The following PDE7B variants were observed in gnomAD, a reference collection of about 807,000 sequenced individuals.
PDE7B encodes phosphodiesterase 7B, also known as 3',5'-cyclic-AMP phosphodiesterase 7B.
Under a neutral mutation model 56.2 loss-of-function variants are expected in PDE7B, and 29 were observed. The observed-to-expected ratio is 0.52, with a 90% CI of 0.38 to 0.70. The LOEUF is 0.70. Ranked by LOEUF, PDE7B falls within the 30% of genes least tolerant of loss-of-function variation. The pLI is 0.00. For synonymous variants in PDE7B, 197 were observed against 196.9 expected (o/e 1.00, Z 0.00); for missense variants, 490 against 565.0 (o/e 0.87, Z 1.35).
At chr6:136,140,998 C>A (rs547732169) in intron 3 of PDE7B, among the ~76,000 whole-genome samples, 4 of 152,136 alleles carry the variant, frequency 2.6e-5, no homozygotes, top group Non-Finnish European at 5.9e-5. Context: ...ACTTCCAACA[C>A]TATGTTGAAT....
intron 3 of PDE7B, among the ~76,000 whole-genome samples, chr6:136,127,131 T>C (rs899168023): frequency 6.6e-6 from 1 of 152,172 alleles, no homozygotes; most frequent in Non-Finnish European, 1.5e-5. Flanking sequence ...TTCACCCATA[T>C]GAATACCTGA....
chr6:136,055,950 G>A (rs1023168141), intron 2 of PDE7B, among the ~76,000 whole-genome samples: 16 of 152,168 alleles, frequency 1.1e-4, no homozygotes, highest in Non-Finnish European at 2.1e-4. Context: ...AAGGAGAAGA[G>A]GGGAAGACTA....
At chr6:135,980,183 A>C (rs1281916689) in intron 2 of PDE7B, among the ~76,000 whole-genome samples, 1 of 152,208 alleles carries the variant, frequency 6.6e-6, no homozygotes, top group Non-Finnish European at 1.5e-5. Flanking sequence ...AAAAACAAGC[A>C]ATGAGGAAAG....
chr6:136,016,674 G>A (rs1379443442), intron 2 of PDE7B, among the ~76,000 whole-genome samples: 1 of 152,004 alleles, frequency 6.6e-6, no homozygotes, highest in African/African-American at 2.4e-5. Context: ...GCTGCAGCAT[G>A]CCACACCTCT....
chr6:136,121,044 C>T (rs1024258759), intron 3 of PDE7B, among the ~76,000 whole-genome samples: 4 of 152,172 alleles, frequency 2.6e-5, no homozygotes, highest in Admixed American at 2.6e-4. Flanking sequence ...TGGGTAATAT[C>T]ATCTATAAGG....
At chr6:136,062,004 T>C (rs1417217674) in intron 2 of PDE7B, among the ~76,000 whole-genome samples, 1 of 152,136 alleles carries the variant, frequency 6.6e-6, no homozygotes, top group Non-Finnish European at 1.5e-5. Context: ...AAGACAGAAA[T>C]TGAAACAGTA....
intron 1 of PDE7B, among the ~76,000 whole-genome samples, chr6:135,876,746 C>T (rs545497844): frequency 1.5e-3 from 226 of 152,166 alleles, no homozygotes; most frequent in Non-Finnish European, 2.1e-3. Context: ...GTAATCCCAC[C>T]TACTCAGGAG....
intron 2 of PDE7B, among the ~76,000 whole-genome samples, chr6:136,056,750 T>G (rs1357987821): frequency 6.6e-6 from 1 of 152,058 alleles, no homozygotes; most frequent in Non-Finnish European, 1.5e-5. Context: ...CAGGCTGGTC[T>G]CAAACTCCAG....
At chr6:135,948,896 T>TAGAC (rs869032694) in intron 2 of PDE7B, among the ~76,000 whole-genome samples, 117 of 63,244 alleles carry the variant, frequency 1.8e-3, no homozygotes, top group East Asian at 7.2e-3. Context: ...GATAGATAGA[T>TAGAC]AGACAGACAG....
intron 1 of PDE7B, among the ~76,000 whole-genome samples, chr6:135,895,534 A>C (rs1775886262): frequency 6.6e-6 from 1 of 152,186 alleles, no homozygotes; most frequent in African/African-American, 2.4e-5. Flanking sequence ...CCACCAAAAA[A>C]GTCCTTTTTC....
chr6:136,184,693 G>C (rs1779117767), intron 11 of PDE7B, among the ~76,000 whole-genome samples: 1 of 152,180 alleles, frequency 6.6e-6, no homozygotes, highest in Non-Finnish European at 1.5e-5. Flanking sequence ...GGCTACAGTA[G>C]AGAACATGAC....
chr6:135,959,612 C>T lies in PDE7B; in HGVS notation c.82+12088C>T, dbSNP rs143458051. 5.1e-3 allele frequency among the ~76,000 whole-genome samples: 777 copies of T among 152,172 alleles called. 6 individuals carry two copies. Among genetic ancestry groups the T allele is most frequent in the African/African-American group, 0.018 (746 of 41,520 alleles). On this transcript the variant is annotated intron_variant, in intron 2 of 12. Transcript: ENST00000308191. Reference sequence around the variant, plus strand: ...GTACCTTATTTTGTCTGCTATTTCACTCTTTGTGTCAGGAAAAATCTTCCC... The same window carrying T: ...GTACCTTATTTTGTCTGCTATTTCATTCTTTGTGTCAGGAAAAATCTTCCC...
At chr6:135,911,542 A>G (rs6926933) in intron 1 of PDE7B, among the ~76,000 whole-genome samples, 41,418 of 152,140 alleles carry the variant, frequency 0.27, 6,982 homozygotes, top group African/African-American at 0.47. Context: ...GAGTTGACCC[A>G]GAAACATTCT....
chr6:136,054,058 A>G (rs1190766171), intron 2 of PDE7B, among the ~76,000 whole-genome samples: 1 of 151,928 alleles, frequency 6.6e-6, no homozygotes, highest in African/African-American at 2.4e-5. Context: ...TCTTTAGTTT[A>G]ATTAGATCCC....
chr6:136,157,441 C>T (rs1285947066), intron 8 of PDE7B, among the ~76,000 whole-genome samples: 3 of 151,944 alleles, frequency 2.0e-5, no homozygotes, highest in East Asian at 3.9e-4. Context: ...AGCTGGGCAT[C>T]GTGGCACATG....
At chr6:135,973,955 C>T (rs1251201785) in intron 2 of PDE7B, among the ~76,000 whole-genome samples, 1 of 152,160 alleles carries the variant, frequency 6.6e-6, no homozygotes, top group Non-Finnish European at 1.5e-5. Context: ...GAAGACAATT[C>T]AGTCTCCATG....
chr6:136,140,775 T>C (rs576065905), intron 3 of PDE7B, among the ~76,000 whole-genome samples: 59 of 152,318 alleles, frequency 3.9e-4, no homozygotes, highest in South Asian at 1.9e-3. Flanking sequence ...TTGTCTGTTA[T>C]TGGTGTATAA....
intron 1 of PDE7B, among the ~76,000 whole-genome samples, chr6:135,934,739 A>ATAT (rs1269284339): frequency 1.0e-3 from 108 of 105,670 alleles, no homozygotes; most frequent in Non-Finnish European, 1.5e-3. Flanking sequence ...CAAAAAAAAA[A>ATAT]ATATATATAT....
chr6:136,181,406 C>T, intron 11 of PDE7B, 83 bp downstream of exon 11: 2 of 845,060 alleles, frequency 2.4e-6, no homozygotes, highest in Non-Finnish European at 4.1e-6. Flanking sequence ...AATGGCTGAT[C>T]TATCATGACA....
Sources: allele counts gnomAD v4.1 joint callset (sites outside exome capture counted in the v4.1 genomes callset), GRCh38; gene constraint gnomAD v4.1.1; transcripts MANE v1.5; gene names NCBI Gene and HGNC (gene_info 2026-07-23, HGNC 2026-07-21).